Variants in NTRK3 observed in about 807,000 individuals in gnomAD.
NTRK3 encodes the protein neurotrophic receptor tyrosine kinase 3, also known as NT-3 growth factor receptor.
Under a neutral mutation model 91.7 loss-of-function variants are expected in NTRK3, and 24 were observed. That is an observed-to-expected ratio of 0.26 (90% CI 0.19 to 0.37). The LOEUF is 0.37. NTRK3 is among the 10% of genes least tolerant of loss of function. The probability of loss-of-function intolerance (pLI) is 1.00; values close to 1 mark genes in which losing one functional copy is unlikely to be tolerated. For synonymous variants in NTRK3, 483 were observed against 404.0 expected, an observed-to-expected ratio of 1.20 and a Z score of -2.34; for missense variants, 880 against 1,068.9, an observed-to-expected ratio of 0.82 and a Z score of 2.46.
chr15:88,033,158 T>C (rs2078708670), intron 13 of NTRK3, 113 bp from the exon 14 acceptor site: 1 of 676,300 alleles, frequency 1.5e-6, no homozygotes, highest in Non-Finnish European at 2.3e-6. Flanking sequence ...TTTCTTTTTT[T>C]TACTTTTGGG....
intron 6 of NTRK3, among the ~76,000 whole-genome samples, chr15:88,137,911 C>T (rs770230487): frequency 1.3e-5 from 2 of 151,994 alleles, no homozygotes; most frequent in African/African-American, 2.4e-5. Flanking sequence ...ATTAGCCGTG[C>T]GTGGTGGCGC....
chr15:88,073,848 T>C lies in NTRK3; in HGVS notation c.1397-40803A>G, dbSNP rs567093977. On this transcript the variant is annotated intron_variant, in intron 13 of 18. Transcript: ENST00000394480. Reference sequence around the variant, plus strand: ...TAGGATGGCAAGACAGGGGTGTTCATGGGGGAAGACTGAGAAAAAAGCATG... The same window carrying C: ...TAGGATGGCAAGACAGGGGTGTTCACGGGGGAAGACTGAGAAAAAAGCATG... 8.2e-4 allele frequency among the ~76,000 whole-genome samples: 122 copies of C among 148,016 alleles called. 2 individuals carry two copies. Among genetic ancestry groups the C allele is most frequent in the African/African-American group, 2.9e-3 (117 of 40,246 alleles).
chr15:87,982,435 G>A (rs1222368519), intron 14 of NTRK3, among the ~76,000 whole-genome samples: 1 of 152,132 alleles, frequency 6.6e-6, no homozygotes, highest in Non-Finnish European at 1.5e-5. Flanking sequence ...TACCCACCAG[G>A]GGCCCACAGA....
At chr15:88,017,378 G>A (rs1040002900) in intron 14 of NTRK3, among the ~76,000 whole-genome samples, 12 of 152,224 alleles carry the variant, frequency 7.9e-5, no homozygotes, top group African/African-American at 2.4e-4. Flanking sequence ...ATGCCAAAAG[G>A]CTGATTAGCT....
chr15:88,050,785 CTATTT>C (rs1024744793), intron 13 of NTRK3, among the ~76,000 whole-genome samples: 7 of 152,130 alleles, frequency 4.6e-5, no homozygotes, highest in Non-Finnish European at 1.0e-4. Context: ...AGGCTCAGAA[CTATTT>C]TATTAACCTG....
At chr15:87,943,670 A>G (rs1191401117) in intron 14 of NTRK3, among the ~76,000 whole-genome samples, 2 of 151,960 alleles carry the variant, frequency 1.3e-5, no homozygotes, top group African/African-American at 2.4e-5. Context: ...CTTGGAATCC[A>G]TCCTTCTCCT....
At chr15:88,006,611 C>A (rs2076507031) in intron 14 of NTRK3, among the ~76,000 whole-genome samples, 1 of 152,190 alleles carries the variant, frequency 6.6e-6, no homozygotes, top group Non-Finnish European at 1.5e-5. Flanking sequence ...AAAAGCCCTG[C>A]CCCATGGGAT....
chr15:88,212,273 G>T (rs561418201), intron 3 of NTRK3, among the ~76,000 whole-genome samples: 39 of 152,318 alleles, frequency 2.6e-4, no homozygotes, highest in African/African-American at 9.1e-4. Flanking sequence ...GGGAGGCTGA[G>T]GCAGGAGAAT....
chr15:88,131,222 A>G (rs1349767239), intron 10 of NTRK3, among the ~76,000 whole-genome samples: 1 of 152,216 alleles, frequency 6.6e-6, no homozygotes, highest in Non-Finnish European at 1.5e-5. Flanking sequence ...CTCCTGCCTC[A>G]GCCCACCATG....
At chr15:88,053,863 C>G (rs1246480018) in intron 13 of NTRK3, among the ~76,000 whole-genome samples, 1 of 152,196 alleles carries the variant, frequency 6.6e-6, no homozygotes, top group African/African-American at 2.4e-5. Context: ...TGGTAAAAAT[C>G]AGAATTTCAT....
rs186028341 is a variant in NTRK3 at position 87,958,284 on chromosome 15, A to G, written c.1586-17531T>C. Among the ~76,000 whole-genome samples, 38 of 100,550 alleles carry G rather than the reference A, an allele frequency of 3.8e-4. 1 individual carries two copies. The East Asian group carries it at 6.8e-3, about 18-fold the overall frequency. 66.0% of individuals were successfully genotyped at this position (100,550 alleles called of 152,430 possible). On this transcript the variant is annotated intron_variant, in intron 14 of 18. Transcript: ENST00000394480. Reference sequence around the variant, plus strand: ...AAGCGAGAACTCTGATGATTTCAGGAGAAGAGTAAGATAACTTCAGCCCAC... The same window carrying G: ...AAGCGAGAACTCTGATGATTTCAGGGGAAGAGTAAGATAACTTCAGCCCAC...
intron 5 of NTRK3, among the ~76,000 whole-genome samples, chr15:88,151,440 G>T (rs377489318): frequency 4.6e-4 from 70 of 152,244 alleles, no homozygotes; most frequent in African/African-American, 1.5e-3. Context: ...ATGAACAGGG[G>T]TCCTCCCAGG....
chr15:88,219,074 A>T (rs768277209), intron 3 of NTRK3, among the ~76,000 whole-genome samples: 1 of 152,234 alleles, frequency 6.6e-6, no homozygotes, highest in Non-Finnish European at 1.5e-5. Context: ...GGTGGGAAAT[A>T]TGTAAACAAC....
At chr15:88,150,202 C>T (rs949373176) in intron 5 of NTRK3, among the ~76,000 whole-genome samples, 2 of 152,098 alleles carry the variant, frequency 1.3e-5, no homozygotes, top group African/African-American at 4.8e-5. Flanking sequence ...AGGAGCAGTC[C>T]AGGTGAAATG....
chr15:87,862,639 T>C (rs2064558230), exon 19 of NTRK3: 2 of 228,504 alleles, frequency 8.8e-6, no homozygotes, highest in South Asian at 1.8e-4. Context: ...CTGTGTGTCA[T>C]TGTGCTATAT....
In NTRK3 at chr15:88,135,089, C is replaced by T. The variant is rs200530652; in HGVS notation, c.1204+12G>A. 107 of 1,614,128 alleles carry T rather than the reference C, an allele frequency of 6.6e-5. No individual in the cohort carries two copies. Among genetic ancestry groups the T allele is most frequent in the South Asian group, 3.0e-4 (27 of 91,086 alleles). On this transcript the variant is annotated intron_variant, in intron 10 of 18. Coordinates refer to ENST00000394480, the Ensembl canonical transcript of NTRK3. The stretch of plus-strand genomic sequence containing the variant: ...AATCCATACACCTCCGATCCAGCTA[C>T]GCTGCCCTCACCTGGAAAGGGCTCC...
chr15:88,036,769 C>T (rs914528956), intron 13 of NTRK3, among the ~76,000 whole-genome samples: 5 of 152,176 alleles, frequency 3.3e-5, no homozygotes, highest in African/African-American at 1.2e-4. Context: ...TGCAGGAAGA[C>T]ACAAAGACCA....
At chr15:87,988,038 T>G (rs1021697041) in intron 14 of NTRK3, among the ~76,000 whole-genome samples, 20 of 152,312 alleles carry the variant, frequency 1.3e-4, no homozygotes, top group Non-Finnish European at 1.3e-4. Flanking sequence ...ATTGGCTTAC[T>G]TCCAAAGTAT....
At chr15:88,232,921 T>G (rs1654737629) in intron 3 of NTRK3, among the ~76,000 whole-genome samples, 2 of 152,342 alleles carry the variant, frequency 1.3e-5, no homozygotes, top group Non-Finnish European at 2.9e-5. Context: ...AGCTTCCGTC[T>G]TGAGGGTCTT....
Sources: gnomAD v4.1 joint callset for allele counts (sites outside exome capture counted in the v4.1 genomes callset) on GRCh38, gnomAD v4.1.1 for gene constraint, MANE v1.5 for transcripts, NCBI Gene and HGNC (gene_info 2026-07-23, HGNC 2026-07-21) for gene names.